The following FAM53B variants were observed in gnomAD, a reference collection of about 807,000 sequenced individuals.
The protein encoded by FAM53B is family with sequence similarity 53 member B.
Under a neutral mutation model 32.7 loss-of-function variants are expected in FAM53B, and 12 were observed. That is an observed-to-expected ratio of 0.37 (90% CI 0.24 to 0.59). The LOEUF (loss-of-function observed/expected upper bound fraction) is 0.59. Among genes scored for constraint, FAM53B ranks in the 20% least tolerant of loss-of-function variants. FAM53B has a pLI of 0.72. For missense variants in FAM53B, 477 were observed against 577.7 expected, an observed-to-expected ratio of 0.83 and a Z score of 1.79; for synonymous variants, 234 against 228.7, an observed-to-expected ratio of 1.02 and a Z score of -0.21.
intron 1 of FAM53B, among the ~76,000 whole-genome samples, chr10:124,708,673 G>C (rs980370276): frequency 6.6e-6 from 1 of 152,238 alleles, no homozygotes; most frequent in Non-Finnish European, 1.5e-5. Flanking sequence ...CCTTTCAAAG[G>C]GGCCTTTTGT....
chr10:124,635,323 C>G (rs1023742721), intron 4 of FAM53B, among the ~76,000 whole-genome samples: 10 of 152,142 alleles, frequency 6.6e-5, no homozygotes, highest in Non-Finnish European at 1.5e-4. Flanking sequence ...GAACTCCTGA[C>G]CTTGTGATCT....
intron 4 of FAM53B, among the ~76,000 whole-genome samples, chr10:124,671,895 C>G (rs1194937433): frequency 2.0e-5 from 3 of 152,200 alleles, no homozygotes; most frequent in Non-Finnish European, 4.4e-5. Context: ...AACACCCACT[C>G]TGAGTCTAGT....
intron 1 of FAM53B, among the ~76,000 whole-genome samples, chr10:124,740,559 G>A (rs539392884): frequency 3.3e-5 from 5 of 152,256 alleles, no homozygotes; most frequent in Admixed American, 3.3e-4. Context: ...CTGTTAATGG[G>A]GTCAGCTATT....
intron 4 of FAM53B, among the ~76,000 whole-genome samples, chr10:124,639,959 T>C (rs533316595): frequency 9.3e-4 from 138 of 149,130 alleles, no homozygotes; most frequent in African/African-American, 3.3e-3. Flanking sequence ...AATCCAGATC[T>C]GTCTGTTCAA....
chr10:124,693,247 G>A (rs1318722864), intron 3 of FAM53B, among the ~76,000 whole-genome samples: 4 of 151,988 alleles, frequency 2.6e-5, no homozygotes, highest in African/African-American at 9.7e-5. Context: ...TGAGGCAGGC[G>A]GATCACGAGG....
chr10:124,739,796 A>G (rs1950190596), intron 1 of FAM53B, among the ~76,000 whole-genome samples: 1 of 152,150 alleles, frequency 6.6e-6, no homozygotes, highest in South Asian at 2.1e-4. Context: ...ACTCCTCTGT[A>G]ACCCCTGACG....
At chr10:124,657,010 C>T (rs941028565) in intron 4 of FAM53B, among the ~76,000 whole-genome samples, 3 of 150,148 alleles carry the variant, frequency 2.0e-5, no homozygotes, top group Admixed American at 6.7e-5. Flanking sequence ...GCACGTTGTG[C>T]ACATGTACCC....
chr10:124,628,128 TCTC>T (rs1369218170), intron 4 of FAM53B, among the ~76,000 whole-genome samples: 7 of 152,078 alleles, frequency 4.6e-5, no homozygotes, highest in Non-Finnish European at 1.5e-5. Context: ...GCTAGAAACA[TCTC>T]CTGAGCTGAA....
chr10:124,655,447 A>T (rs750801688), intron 4 of FAM53B, among the ~76,000 whole-genome samples: 4 of 152,006 alleles, frequency 2.6e-5, no homozygotes, highest in Non-Finnish European at 5.9e-5. Context: ...CCACCAAGAC[A>T]TCTCATCCCA....
At chr10:124,663,614 G>A (rs529271569) in intron 4 of FAM53B, among the ~76,000 whole-genome samples, 22 of 152,318 alleles carry the variant, frequency 1.4e-4, no homozygotes, top group Admixed American at 1.4e-3. Context: ...ACTCTGATCC[G>A]GCAGGTCTGG....
At position 124,682,190 on chromosome 10, in the gene FAM53B, G is replaced by T; in HGVS notation, c.323C>A (p.Pro108His). 1 of 1,613,874 alleles carries T rather than the reference G, an allele frequency of 6.2e-7. No homozygotes were observed. The highest frequency in any genetic ancestry group is 8.5e-7 in the Non-Finnish European group (1 of 1,179,934). ...ISDHNGNPSAPPSKRQCRSLS... is the reference protein window; with the variant it reads ...ISDHNGNPSAHPSKRQCRSLS... ...TGAGCGGCACTGGCGCTTGCTAGGG[G>T]GTGCTGAGGGGTTCCCGTTGTGGTC... Residue 108 changes from proline to histidine, a missense_variant, in exon 4 of 5, where the codon CCC (proline) becomes CAC (histidine). By Grantham distance (77) the Pro-to-His change is moderately conservative. This residue lies in a region of FAM53B where 312 missense variants were observed against 420.2 expected (regional missense o/e 0.74). Coordinates refer to ENST00000337318, the MANE Select transcript of FAM53B (RefSeq NM_014661.4). The surrounding 1 kb of genome is among the most constrained non-coding windows in gnomAD (Gnocchi z 5.2).
chr10:124,655,022 G>T (rs1331949863), intron 4 of FAM53B, among the ~76,000 whole-genome samples: 5 of 152,206 alleles, frequency 3.3e-5, no homozygotes, highest in African/African-American at 1.2e-4. Context: ...AGCCCCAGGG[G>T]CACACAGGTG....
intron 4 of FAM53B, among the ~76,000 whole-genome samples, chr10:124,644,040 C>T (rs1327807426): frequency 3.3e-5 from 3 of 91,780 alleles, no homozygotes; most frequent in South Asian, 5.0e-4. Flanking sequence ...CTTGCTCCAA[C>T]GAAGATGTGA....
At chr10:124,731,372 C>T (rs760507825) in intron 1 of FAM53B, among the ~76,000 whole-genome samples, 7 of 152,110 alleles carry the variant, frequency 4.6e-5, no homozygotes, top group African/African-American at 9.7e-5. Flanking sequence ...GTGGCTGAAC[C>T]GAAGTCAAAA....
chr10:124,680,038 A>G (rs1280166341), intron 4 of FAM53B, among the ~76,000 whole-genome samples: 1 of 152,240 alleles, frequency 6.6e-6, no homozygotes, highest in East Asian at 1.9e-4. Flanking sequence ...AGTCACCCAA[A>G]TCTGTCACCT....
rs78577595 is a variant in FAM53B, at chr10:124,647,963, G to A, written c.907-24359C>T. Among the ~76,000 whole-genome samples the A allele has an allele frequency of 9.8e-5, 15 of 152,346 alleles. No homozygotes were observed. In the East Asian group the frequency reaches 2.7e-3, roughly 27 times the overall value. On this transcript the variant is annotated intron_variant, in intron 4 of 4. Coordinates refer to ENST00000337318, the MANE Select transcript of FAM53B (RefSeq NM_014661.4). ...GAGGGCTCAGGGTGGAGCCAGGGAT[G>A]GGAAAGGAAGTGGGTGTGGGCACGG... is the stretch of plus-strand genomic sequence containing the variant.
At chr10:124,743,194 AC>A (rs1950209940) in intron 1 of FAM53B, among the ~76,000 whole-genome samples, 1 of 152,066 alleles carries the variant, frequency 6.6e-6, no homozygotes, top group South Asian at 2.1e-4. Flanking sequence ...GACAACACAA[AC>A]CGCAAACCCT....
chr10:124,667,036 C>T (rs898705103), intron 4 of FAM53B, among the ~76,000 whole-genome samples: 5 of 152,108 alleles, frequency 3.3e-5, no homozygotes, highest in Non-Finnish European at 7.4e-5. Context: ...GACCCCCAAC[C>T]CCCCCACACT....
At chr10:124,642,314 C>T (rs1452371796) in intron 4 of FAM53B, among the ~76,000 whole-genome samples, 2 of 152,300 alleles carry the variant, frequency 1.3e-5, no homozygotes, top group South Asian at 2.1e-4. Context: ...GAGCGCCATG[C>T]GTGTGAACAC....
Sources: allele counts gnomAD v4.1 joint callset (sites outside exome capture counted in the v4.1 genomes callset), GRCh38; gene constraint gnomAD v4.1.1; regional missense constraint gnomAD v4.1.1; non-coding constraint Gnocchi (gnomAD v3.1); transcripts MANE v1.5; gene names NCBI Gene and HGNC (gene_info 2026-07-23, HGNC 2026-07-21).